Variants in RPA1 observed in about 807,000 individuals in gnomAD.
The protein encoded by RPA1 is replication protein A1, also known as replication protein A 70 kDa DNA-binding subunit.
In RPA1, 49 loss-of-function variants were observed where a neutral mutation model predicts 83.0. The observed-to-expected ratio is 0.59, with a 90% CI of 0.47 to 0.75. The LOEUF is 0.75. RPA1 is among the 30% of genes least tolerant of loss of function. The pLI is 0.00. For missense variants in RPA1, 693 were observed against 776.1 expected (o/e 0.89, Z 1.27); for synonymous variants, 279 against 281.8 (o/e 0.99, Z 0.10).
intron 13 of RPA1, among the ~76,000 whole-genome samples, chr17:1,885,549 G>A (rs927840847): frequency 9.9e-5 from 15 of 152,016 alleles, no homozygotes; most frequent in Non-Finnish European, 2.1e-4. Flanking sequence ...ACAGCTCACT[G>A]CAGTCTCAAC....
At position 1,897,880 on chromosome 17, in the gene RPA1, A is replaced by G. The variant is rs539732540; in HGVS notation, c.*705A>G. The G allele has an allele frequency of 6.5e-6, 1 of 152,752 alleles. No individual in the cohort carries two copies. Among genetic ancestry groups the G allele is most frequent in the African/African-American group, 2.4e-5 (1 of 41,580 alleles). The allele number at this position is 152,752 out of a possible 1,614,324, so 9.5% of individuals were successfully genotyped here. A position where few individuals can be genotyped will look rare whatever the true frequency, so the allele number is the denominator to read the frequency against. Reference sequence around the variant, plus strand: ...CCTAAGGAAATCCGAGCGGCTACAAAGCGTTTCTTTACTTCTCACTTCAAT... The same window carrying G: ...CCTAAGGAAATCCGAGCGGCTACAAGGCGTTTCTTTACTTCTCACTTCAAT... On this transcript the variant is annotated 3_prime_UTR_variant, in exon 17 of 17. Transcript: ENST00000254719.
In RPA1 at chr17:1,897,151, C is replaced by A; in HGVS notation, c.1827C>A (p.Ser609Arg). ...AGTATGGCCGAAGGCTGGTCATGAG[C>A]ATCAGGAGAAGTGCATTGATGTGAG... ...YREYGRRLVM[S>R]IRRSALM The change falls in exon 17 of 17, where the codon AGC becomes AGA. Residue 609 changes from serine (S) to arginine (R), a missense_variant. Coordinates refer to ENST00000254719, the MANE Select transcript of RPA1 (RefSeq NM_002945.5). The A allele has an allele frequency of 6.4e-7, 1 of 1,559,944 alleles. No homozygotes were observed. Among genetic ancestry groups the A allele is most frequent in the Non-Finnish European group, 8.7e-7 (1 of 1,151,720 alleles).
chr17:1,844,578 C>T lies in RPA1; in HGVS notation c.164C>T (p.Ser55Phe). ...LMSDGLNTLS[S>F]FMLATQLNPL... ...CTAAAGAAATCTCTGTGGTTTTCAG[C>T]TTTCATGTTGGCGACACAGTTGAAC... The change falls in exon 4 of 17, where the codon TCT (serine) becomes TTT (phenylalanine). Residue 55 changes from serine (S) to phenylalanine (F), a missense_variant and splice_region_variant. Physicochemically the swap from Ser to Phe is radical, Grantham distance 155. Coordinates refer to ENST00000254719, the MANE Select transcript of RPA1 (RefSeq NM_002945.5). 6.2e-7 allele frequency: 1 copy of T among 1,612,042 alleles called. No homozygotes were observed. The highest frequency in any genetic ancestry group is 8.5e-7 in the Non-Finnish European group (1 of 1,178,978).
In RPA1 at chr17:1,880,623, C is replaced by A. The variant is rs540701387; in HGVS notation, c.1173C>A (p.Leu391=). The change falls in exon 12 of 17, where the codon CTC becomes CTA. Residue 391 remains leucine, a synonymous_variant. Transcript: ENST00000254719. ...ARVSDFGGRS[L]SVLSSSTIIA... ...TCTCTGATTTCGGTGGACGGAGCCT[C>A]TCCGTGCTGTCTTCAAGCACTATCA... 3 of 1,614,098 alleles carry A rather than the reference C, an allele frequency of 1.9e-6. No homozygotes were observed. Among genetic ancestry groups the A allele is most frequent in the Non-Finnish European group, 2.5e-6 (3 of 1,180,020 alleles).
chr17:1,835,315 ATT>A (rs974781944), intron 1 of RPA1, among the ~76,000 whole-genome samples: 2 of 145,124 alleles, frequency 1.4e-5, no homozygotes, highest in African/African-American at 5.0e-5. Flanking sequence ...TGCCCAGCTA[ATT>A]TTTTTTTTTT....
At chr17:1,890,325 C>T (rs1567828365) in intron 14 of RPA1, among the ~76,000 whole-genome samples, 3 of 152,178 alleles carry the variant, frequency 2.0e-5, no homozygotes, top group South Asian at 2.1e-4. Flanking sequence ...GATCGTGGCA[C>T]TGCACTCCAG....
intron 4 of RPA1, among the ~76,000 whole-genome samples, chr17:1,849,919 C>G (rs931282832): frequency 6.6e-6 from 1 of 152,088 alleles, no homozygotes; most frequent in Admixed American, 6.6e-5. Flanking sequence ...TGCCTGTAAT[C>G]TCAACACTTT....
chr17:1,899,260 C>G lies in RPA1; in HGVS notation c.*2085C>G, dbSNP rs774990508. ...TGTTGGGCTTTTCAGAGATTTTGGTCCCTGCGGGTTGCCTAAATAGATTCT... is the reference window on the plus strand; with the variant it reads ...TGTTGGGCTTTTCAGAGATTTTGGTGCCTGCGGGTTGCCTAAATAGATTCT... On this transcript the variant is annotated 3_prime_UTR_variant, in exon 17 of 17. Coordinates refer to ENST00000254719, the MANE Select transcript of RPA1 (RefSeq NM_002945.5). The G allele has an allele frequency of 1.3e-5, 2 of 152,852 alleles. No individual in the cohort carries two copies. The highest frequency in any genetic ancestry group is 2.9e-5 in the Non-Finnish European group (2 of 68,094). 9.5% of individuals were successfully genotyped at this position (152,852 alleles called of 1,614,324 possible). A position where few individuals can be genotyped will look rare whatever the true frequency, so the allele number is the denominator to read the frequency against.
intron 1 of RPA1, among the ~76,000 whole-genome samples, chr17:1,838,901 A>T (rs958178216): frequency 3.3e-5 from 5 of 152,088 alleles, no homozygotes; most frequent in Admixed American, 1.3e-4. Flanking sequence ...CCCAGGCTGG[A>T]GTGCAGTGGC....
chr17:1,871,569 A>T (rs1220339777), intron 5 of RPA1, among the ~76,000 whole-genome samples: 3 of 152,208 alleles, frequency 2.0e-5, no homozygotes, highest in Non-Finnish European at 2.9e-5. Context: ...TGCCCACATG[A>T]GGTTGACTTC....
intron 11 of RPA1, 91 bp from the exon 12 acceptor site, chr17:1,880,452 C>T: frequency 7.5e-7 from 1 of 1,326,972 alleles, no homozygotes; most frequent in Non-Finnish European, 1.1e-6. Flanking sequence ...TACATTCACT[C>T]TACTATTGAA....
Position 1,830,061 on chromosome 17 carries a change from C to G in RPA1, c.-33C>G. Reference sequence around the variant, plus strand: ...CCGGGTGGGGAAGCTGGAGCTGTTGCGGGGTCCGCGGGGAAGTCTTGGCGG... The same window carrying G: ...CCGGGTGGGGAAGCTGGAGCTGTTGGGGGGTCCGCGGGGAAGTCTTGGCGG... On this transcript the variant is annotated 5_prime_UTR_variant, in exon 1 of 17. Transcript: ENST00000254719. 1 of 1,248,960 alleles carries G rather than the reference C, an allele frequency of 8.0e-7. No individual in the cohort carries two copies. The highest frequency in any genetic ancestry group is 1.0e-6 in the Non-Finnish European group (1 of 987,992). The allele number at this position is 1,248,960 out of a possible 1,614,324, so 77.4% of individuals were successfully genotyped here.
At chr17:1,875,623 T>C (rs772564103) in intron 6 of RPA1, 38 bp from the exon 7 acceptor site, 3 of 1,524,042 alleles carry the variant, frequency 2.0e-6, no homozygotes, top group East Asian at 5.0e-5. Context: ...CTAAGTAGAA[T>C]AGTAATAACT....
intron 1 of RPA1, 78 bp downstream of exon 1, chr17:1,830,204 G>C (rs1328020947): frequency 1.3e-5 from 15 of 1,138,956 alleles, no homozygotes; most frequent in African/African-American, 1.6e-5. Context: ...GAGGGGGAGG[G>C]GAGCCCGGGG....
chr17:1,897,428 C>G lies in RPA1; in HGVS notation c.*253C>G, dbSNP rs963144797. The G allele has an allele frequency of 7.7e-6, 3 of 391,932 alleles. No homozygotes were observed. The highest frequency in any genetic ancestry group is 8.4e-5 in the Admixed American group (2 of 23,856). The allele number at this position is 391,932 out of a possible 1,614,324, so 24.3% of individuals were successfully genotyped here. A position where few individuals can be genotyped will look rare whatever the true frequency, so the allele number is the denominator to read the frequency against. ...GCTAGCGCAAGACCAGTCACTCCCT[C>G]TGCCTTCAGGCTTCTGTCAATTTCA... is the stretch of plus-strand genomic sequence containing the variant. On this transcript the variant is annotated 3_prime_UTR_variant, in exon 17 of 17. Transcript: ENST00000254719.
chr17:1,886,424 C>T (rs1913993602), intron 13 of RPA1, among the ~76,000 whole-genome samples: 1 of 152,230 alleles, frequency 6.6e-6, no homozygotes, highest in African/African-American at 2.4e-5. Context: ...ACAGGAGAGT[C>T]AGCCTTTCCT....
intron 4 of RPA1, among the ~76,000 whole-genome samples, chr17:1,851,591 G>C (rs959305307): frequency 2.0e-5 from 3 of 152,046 alleles, no homozygotes; most frequent in African/African-American, 4.8e-5. Context: ...ATTTTATTTA[G>C]GATTTATGGG....
chr17:1,835,592 C>T (rs554915088), intron 1 of RPA1, among the ~76,000 whole-genome samples: 2 of 152,236 alleles, frequency 1.3e-5, no homozygotes, highest in East Asian at 3.9e-4. Flanking sequence ...GTTGTTGTTT[C>T]CATTTTAGCA....
At position 1,832,304 on chromosome 17, in the gene RPA1, C is replaced by T. The variant is rs150011031; in HGVS notation, c.33+2178C>T. ...TCCCCACACTGGCAAACACTATCTT[C>T]GTATCTCAGCTCATTTGTGACTTCC... On this transcript the variant is annotated intron_variant, in intron 1 of 16. Coordinates refer to ENST00000254719, the MANE Select transcript of RPA1 (RefSeq NM_002945.5). 2.6e-3 allele frequency among the ~76,000 whole-genome samples: 390 copies of T among 152,222 alleles called. 1 individual carries two copies. The highest frequency in any genetic ancestry group is 8.9e-3 in the African/African-American group (371 of 41,542).
Sources: allele counts gnomAD v4.1 joint callset (sites outside exome capture counted in the v4.1 genomes callset), GRCh38; gene constraint gnomAD v4.1.1; transcripts MANE v1.5; gene names NCBI Gene and HGNC (gene_info 2026-07-23, HGNC 2026-07-21).